NFATC3: variants seen among roughly 807,000 people sequenced by gnomAD.
NFATC3 encodes nuclear factor of activated T cells 3.
NFATC3 carries 46 observed loss-of-function variants against 98.6 expected under a neutral mutation model. The observed-to-expected ratio is 0.47, with a 90% CI of 0.37 to 0.60. The LOEUF is 0.60. NFATC3 is among the 20% of genes least tolerant of loss of function. The pLI is 0.00. For synonymous variants in NFATC3, 512 were observed against 472.2 expected, an observed-to-expected ratio of 1.08 and a Z score of -1.09; for missense variants, 1,256 against 1,295.5, an observed-to-expected ratio of 0.97 and a Z score of 0.47.
At chr16:68,177,597 T>TA in intron 6 of NFATC3, among the ~76,000 whole-genome samples, 1 of 152,096 alleles carries the variant, frequency 6.6e-6, no homozygotes, top group East Asian at 1.9e-4. Flanking sequence ...TTACTTTTTT[T>TA]ATTATGTTTT....
chr16:68,097,814 A>G (rs963487732), intron 1 of NFATC3, among the ~76,000 whole-genome samples: 1 of 152,216 alleles, frequency 6.6e-6, no homozygotes, highest in Non-Finnish European at 1.5e-5. Context: ...TTTACCAGAT[A>G]TAGTGAACAT....
intron 3 of NFATC3, among the ~76,000 whole-genome samples, chr16:68,128,622 A>T (rs923337795): frequency 1.3e-5 from 2 of 151,994 alleles, no homozygotes; most frequent in Non-Finnish European, 1.5e-5. Flanking sequence ...AAACATAATT[A>T]AAAAAAATAA....
At chr16:68,194,342 G>C (rs1274562086) in intron 9 of NFATC3, among the ~76,000 whole-genome samples, 1 of 152,150 alleles carries the variant, frequency 6.6e-6, no homozygotes, top group Non-Finnish European at 1.5e-5. Flanking sequence ...GTTAACCCAT[G>C]TTCACAACTG....
chr16:68,155,166 C>G (rs1222889332), intron 3 of NFATC3, among the ~76,000 whole-genome samples: 1 of 152,144 alleles, frequency 6.6e-6, no homozygotes. Flanking sequence ...GTTACAAGTT[C>G]CACTGTAAAG....
chr16:68,129,803 G>A (rs1012854509), intron 3 of NFATC3, among the ~76,000 whole-genome samples: 19 of 151,000 alleles, frequency 1.3e-4, no homozygotes, highest in African/African-American at 4.1e-4. Context: ...TCAGCCTCCC[G>A]AGTAGCTGGG....
intron 8 of NFATC3, among the ~76,000 whole-genome samples, 187 bp from the exon 9 acceptor site, chr16:68,190,581 A>G (rs1390809550): frequency 6.6e-6 from 1 of 152,216 alleles, no homozygotes; most frequent in African/African-American, 2.4e-5. Context: ...CAAAACGTGT[A>G]TGTGTATACA....
At chr16:68,097,767 A>T (rs2035094274) in intron 1 of NFATC3, among the ~76,000 whole-genome samples, 1 of 152,228 alleles carries the variant, frequency 6.6e-6, no homozygotes, top group African/African-American at 2.4e-5. Flanking sequence ...TAAAGTGTAC[A>T]GTTTAAGTTT....
intron 9 of NFATC3, among the ~76,000 whole-genome samples, chr16:68,220,454 C>G (rs909251105): frequency 2.0e-5 from 3 of 151,768 alleles, no homozygotes; most frequent in African/African-American, 7.3e-5. Flanking sequence ...GAGTAAGACT[C>G]TATCTCAAAA....
At position 68,190,760 on chromosome 16, in the gene NFATC3, C is replaced by A; in HGVS notation, c.2099-8C>A. 6.3e-7 allele frequency: 1 copy of A among 1,584,142 alleles called. No individual in the cohort carries two copies. Among genetic ancestry groups the A allele is most frequent in the African/African-American group, 1.4e-5 (1 of 73,710 alleles). On this transcript the variant is annotated splice_region_variant and splice_polypyrimidine_tract_variant and intron_variant, in intron 8 of 9. Transcript: ENST00000346183. ...TAATAATATTTGCTTTAATCATTTT[C>A]TTTTCAGTTTTGATGAAGCAAGAAC...
At chr16:68,152,398 A>G (rs7199878) in intron 3 of NFATC3, among the ~76,000 whole-genome samples, 15,632 of 150,240 alleles carry the variant, frequency 0.1, 960 homozygotes, top group South Asian at 0.19. Flanking sequence ...AAAAAAAAAA[A>G]AAAGTACCAT....
At chr16:68,156,506 G>C (rs2038625808) in intron 3 of NFATC3, among the ~76,000 whole-genome samples, 1 of 152,166 alleles carries the variant, frequency 6.6e-6, no homozygotes, top group African/African-American at 2.4e-5. Context: ...TCTATCCCAG[G>C]AAAGCAAGAG....
intron 9 of NFATC3, among the ~76,000 whole-genome samples, chr16:68,202,838 AAAAT>A (rs974042657): frequency 3.0e-4 from 45 of 151,434 alleles, no homozygotes; most frequent in East Asian, 7.7e-4. Flanking sequence ...ATAATAAAAA[AAAAT>A]AAATAAATAA....
intron 9 of NFATC3, among the ~76,000 whole-genome samples, chr16:68,195,601 G>A (rs777527942): frequency 5.1e-4 from 77 of 152,230 alleles, no homozygotes; most frequent in Middle Eastern, 6.8e-3. Context: ...GAGGTCAGGA[G>A]ATAGAGATCA....
chr16:68,123,239 A>G, intron 2 of NFATC3, 118 bp downstream of exon 2: 3 of 1,068,834 alleles, frequency 2.8e-6, no homozygotes, highest in Non-Finnish European at 3.7e-6. Flanking sequence ...TCCTCTTCCT[A>G]TTTTTAAAAA....
At chr16:68,095,347 A>ATTT (rs35343240) in intron 1 of NFATC3, among the ~76,000 whole-genome samples, 1,349 of 103,764 alleles carry the variant, frequency 0.013, 85 homozygotes, top group African/African-American at 0.049. Context: ...TGCCCAGCTA[A>ATTT]TTTTTTTTTT....
chr16:68,159,844 G>A lies in NFATC3; in HGVS notation c.1601+1776G>A, dbSNP rs555129521. Among the ~76,000 whole-genome samples the A allele has an allele frequency of 2.0e-5, 3 of 151,946 alleles. No individual in the cohort carries two copies. The South Asian group carries it at 6.2e-4, about 32-fold the overall frequency. Reference sequence around the variant, plus strand: ...TATTATCCCAGCACTTTGGGAGGCCGAGGTGGGCGGATTACCTGAGACCAG... The same window carrying A: ...TATTATCCCAGCACTTTGGGAGGCCAAGGTGGGCGGATTACCTGAGACCAG... On this transcript the variant is annotated intron_variant, in intron 4 of 9. Coordinates refer to ENST00000346183, the MANE Select transcript of NFATC3 (RefSeq NM_173165.3).
chr16:68,221,448 CCT>C, intron 9 of NFATC3: 1 of 1,340,830 alleles, frequency 7.5e-7, no homozygotes, highest in Non-Finnish European at 9.6e-7. Context: ...TCAGTGCTCA[CCT>C]GTAGCAATTA....
At chr16:68,196,413 G>A (rs536403435) in intron 9 of NFATC3, among the ~76,000 whole-genome samples, 1 of 152,152 alleles carries the variant, frequency 6.6e-6, no homozygotes, top group African/African-American at 2.4e-5. Context: ...GAGCCACCAT[G>A]CCCAGCCTAA....
chr16:68,163,579 G>T (rs1428622327), intron 4 of NFATC3, among the ~76,000 whole-genome samples: 1 of 152,008 alleles, frequency 6.6e-6, no homozygotes, highest in Non-Finnish European at 1.5e-5. Flanking sequence ...GTGGCTGCCG[G>T]GCGGAGACGC....
Sources: gnomAD v4.1 joint callset for allele counts (sites outside exome capture counted in the v4.1 genomes callset) on GRCh38, gnomAD v4.1.1 for gene constraint, MANE v1.5 for transcripts, NCBI Gene and HGNC (gene_info 2026-07-23, HGNC 2026-07-21) for gene names.